Variants in NIBAN1 observed in about 807,000 individuals in gnomAD.
NIBAN1 encodes the protein protein Niban 1.
A neutral mutation model predicts 75.1 loss-of-function variants in NIBAN1; 81 were observed. The ratio of observed to expected loss-of-function variants is 1.08; its 90% CI spans 0.90 to 1.30. The LOEUF (loss-of-function observed/expected upper bound fraction) is 1.30. Among genes scored for constraint, NIBAN1 ranks in the 50% most tolerant of loss-of-function variants. NIBAN1 has a pLI of 0.00. For missense variants in NIBAN1, 1,133 were observed against 1,128.1 expected, an observed-to-expected ratio of 1.00 and a Z score of -0.06; for synonymous variants, 436 against 424.8, an observed-to-expected ratio of 1.03 and a Z score of -0.32.
chr1:184,974,293 C>G lies in NIBAN1; in HGVS notation c.55+9G>C. Reference sequence around the variant, plus strand: ...GGTGCTCCCCAGGCCCCCGGGCGGGCGGGCGTACCTCGGATGTAAGCGCAC... The same window carrying G: ...GGTGCTCCCCAGGCCCCCGGGCGGGGGGGCGTACCTCGGATGTAAGCGCAC... On this transcript the variant is annotated intron_variant, in intron 1 of 13. Transcript: ENST00000367511. 1.3e-6 allele frequency: 2 copies of G among 1,555,556 alleles called. No individual in the cohort carries two copies. The highest frequency in any genetic ancestry group is 1.7e-6 in the Non-Finnish European group (2 of 1,157,998).
chr1:184,867,003 C>A (rs1421521584), intron 5 of NIBAN1, among the ~76,000 whole-genome samples: 2 of 152,092 alleles, frequency 1.3e-5, no homozygotes, highest in Non-Finnish European at 2.9e-5. Context: ...GTGCAAAAAC[C>A]AATTCATTTT....
intron 5 of NIBAN1, among the ~76,000 whole-genome samples, chr1:184,858,952 A>C (rs1426318012): frequency 6.6e-6 from 1 of 152,088 alleles, no homozygotes; most frequent in Non-Finnish European, 1.5e-5. Context: ...TGGTCACCTT[A>C]AAAAAACAAA....
intron 9 of NIBAN1, among the ~76,000 whole-genome samples, chr1:184,816,874 T>C: frequency 6.6e-6 from 1 of 151,256 alleles, no homozygotes; most frequent in Non-Finnish European, 1.5e-5. Flanking sequence ...ATTATTATTA[T>C]TATTATTTTA....
At position 184,800,362 on chromosome 1, in the gene NIBAN1, T is replaced by G. The variant is rs1571469234; in HGVS notation, c.1555-2172A>C. On this transcript the variant is annotated intron_variant, in intron 12 of 13. Coordinates refer to ENST00000367511, the MANE Select transcript of NIBAN1 (RefSeq NM_052966.4). ...TTTCTTTTGCTGTGCAGAAGCTCTT[T>G]AGTTTAATTAGATCCCATTTGTCAA... Among the ~76,000 whole-genome samples the G allele has an allele frequency of 2.0e-5, 3 of 151,204 alleles. No homozygotes were observed. The East Asian group carries it at 5.9e-4, about 30-fold the overall frequency.
At chr1:184,918,120 C>T (rs1657441906) in intron 1 of NIBAN1, among the ~76,000 whole-genome samples, 3 of 152,136 alleles carry the variant, frequency 2.0e-5, no homozygotes, top group African/African-American at 7.2e-5. Flanking sequence ...TCCCCTGTCT[C>T]GGTTAACAGA....
chr1:184,878,287 G>C (rs1005585991), intron 5 of NIBAN1, among the ~76,000 whole-genome samples: 1 of 152,154 alleles, frequency 6.6e-6, no homozygotes, highest in African/African-American at 2.4e-5. Flanking sequence ...ATTGCTTTGA[G>C]AGCTTCAAGT....
chr1:184,836,720 C>T (rs778362829), intron 5 of NIBAN1, among the ~76,000 whole-genome samples: 6 of 152,128 alleles, frequency 3.9e-5, no homozygotes, highest in East Asian at 1.9e-4. Context: ...CATCCAACAA[C>T]GAAGCCTCAG....
rs1236600197 is a variant in NIBAN1 at position 184,829,093 on chromosome 1, C to T, written c.717+2754G>A. Reference sequence around the variant, plus strand: ...AAGATTACAGGTATGAGCCACCACACCCAGCCCCTGTGAAACTTCTTAGTG... The same window carrying T: ...AAGATTACAGGTATGAGCCACCACATCCAGCCCCTGTGAAACTTCTTAGTG... On this transcript the variant is annotated intron_variant, in intron 6 of 13. Transcript: ENST00000367511. Among the ~76,000 whole-genome samples the T allele has an allele frequency of 2.6e-5, 4 of 152,288 alleles. No individual in the cohort carries two copies. The East Asian group carries it at 7.7e-4, about 29-fold the overall frequency.
chr1:184,870,781 A>C (rs1476718812), intron 5 of NIBAN1, among the ~76,000 whole-genome samples: 2 of 152,200 alleles, frequency 1.3e-5, no homozygotes, highest in African/African-American at 4.8e-5. Flanking sequence ...TCTATACCGT[A>C]ACCAACCCTC....
intron 8 of NIBAN1, 116 bp downstream of exon 8, chr1:184,823,051 C>G: frequency 7.9e-7 from 1 of 1,262,302 alleles, no homozygotes; most frequent in Non-Finnish European, 1.1e-6. Flanking sequence ...CTGTGATCAC[C>G]TCCTCCCAAT....
chr1:184,928,689 C>A (rs1274852860), intron 1 of NIBAN1, among the ~76,000 whole-genome samples: 1 of 152,168 alleles, frequency 6.6e-6, no homozygotes, highest in Non-Finnish European at 1.5e-5. Context: ...GCCATGCGAC[C>A]ACTGCCAGGG....
chr1:184,870,454 A>T (rs977654523), intron 5 of NIBAN1, among the ~76,000 whole-genome samples: 1 of 152,210 alleles, frequency 6.6e-6, no homozygotes, highest in Admixed American at 6.5e-5. Context: ...TGACTGAAAC[A>T]TGGATCCCTA....
At position 184,893,173 on chromosome 1, in the gene NIBAN1, G is replaced by C. The variant is rs1279093134; in HGVS notation, c.318+902C>G. On this transcript the variant is annotated intron_variant, in intron 3 of 13. Transcript: ENST00000367511. ...GCTGTTCATTTCAAAGGGAGCTTGA[G>C]GGTCTATGCAGACTAAAAAATGTGT... Among the ~76,000 whole-genome samples, 7 of 152,240 alleles carry C rather than the reference G, an allele frequency of 4.6e-5. 1 individual carries two copies. The East Asian group carries it at 1.2e-3, about 25-fold the overall frequency.
chr1:184,893,123 T>TA (rs1410644001), intron 3 of NIBAN1, among the ~76,000 whole-genome samples: 1 of 152,128 alleles, frequency 6.6e-6, no homozygotes, highest in African/African-American at 2.4e-5. Flanking sequence ...TTAAATCTGT[T>TA]ACTGTCGTTC....
At chr1:184,867,793 C>G (rs1410952019) in intron 5 of NIBAN1, 1 of 912,842 alleles carries the variant, frequency 1.1e-6, no homozygotes, top group Non-Finnish European at 1.3e-6. Context: ...GGTTTATAAG[C>G]AATGACTGTG....
At chr1:184,826,089 T>A (rs1654833690) in intron 6 of NIBAN1, among the ~76,000 whole-genome samples, 1 of 152,128 alleles carries the variant, frequency 6.6e-6, no homozygotes, top group South Asian at 2.1e-4. Flanking sequence ...AGAAACACTC[T>A]CAGGGTGGAG....
At chr1:184,837,757 ACT>A (rs918403995) in intron 5 of NIBAN1, among the ~76,000 whole-genome samples, 3 of 151,532 alleles carry the variant, frequency 2.0e-5, no homozygotes, top group African/African-American at 4.9e-5. Flanking sequence ...GTTTCCATGG[ACT>A]CTCTCTCCCA....
chr1:184,970,722 A>G (rs1658913930), intron 1 of NIBAN1, among the ~76,000 whole-genome samples: 1 of 152,202 alleles, frequency 6.6e-6, no homozygotes, highest in Non-Finnish European at 1.5e-5. Context: ...TGCTGCTGGC[A>G]GGCCTGCAAG....
At position 184,906,270 on chromosome 1, in the gene NIBAN1, C is replaced by CAT. The variant is rs1285028666; in HGVS notation, c.56-6962_56-6961insAT. 3.3e-5 allele frequency among the ~76,000 whole-genome samples: 5 copies of CAT among 149,380 alleles called. No homozygotes were observed. In the East Asian group the frequency reaches 5.9e-4, roughly 18 times the overall value. On this transcript the variant is annotated intron_variant, in intron 1 of 13. Transcript: ENST00000367511. ...AAGATCCTGTCTCAAAATAAATGAA[C>CAT]ACACACACACACACACATGCACACA... is the stretch of plus-strand genomic sequence containing the variant.
Sources: allele counts gnomAD v4.1 joint callset (sites outside exome capture counted in the v4.1 genomes callset), GRCh38; gene constraint gnomAD v4.1.1; transcripts MANE v1.5; gene names NCBI Gene and HGNC (gene_info 2026-07-23, HGNC 2026-07-21).